The following PARD3B variants were observed in gnomAD, a reference collection of about 807,000 sequenced individuals.
The protein encoded by PARD3B is par-3 family cell polarity regulator beta.
Under a neutral mutation model 130.2 loss-of-function variants are expected in PARD3B, and 103 were observed. That is an observed-to-expected ratio of 0.79 (90% CI 0.67 to 0.93). The LOEUF (loss-of-function observed/expected upper bound fraction) is 0.93, where lower values mean the gene tolerates loss of function less well. PARD3B is among the 40% of genes least tolerant of loss of function. PARD3B has a pLI of 0.00. For synonymous variants in PARD3B, 583 were observed against 553.2 expected (o/e 1.05, Z -0.76); for missense variants, 1,609 against 1,499.2 (o/e 1.07, Z -1.21).
At chr2:205,086,496 T>G (rs1181757713) in intron 4 of PARD3B, among the ~76,000 whole-genome samples, 1 of 152,228 alleles carries the variant, frequency 6.6e-6, no homozygotes, top group Non-Finnish European at 1.5e-5. Context: ...CTGCATGGTT[T>G]CAGTTGCTTC....
intron 19 of PARD3B, among the ~76,000 whole-genome samples, chr2:205,439,957 C>A (rs566608394): frequency 2.6e-5 from 4 of 152,216 alleles, no homozygotes; most frequent in Admixed American, 2.6e-4. Flanking sequence ...TTACTGAAGT[C>A]GTAGAAAAAC....
chr2:205,507,463 C>G (rs1159623732), intron 21 of PARD3B, among the ~76,000 whole-genome samples: 1 of 151,836 alleles, frequency 6.6e-6, no homozygotes, highest in Non-Finnish European at 1.5e-5. Flanking sequence ...ATCTGCCTGC[C>G]TCGGCCTCCC....
At chr2:204,748,348 C>A (rs1048175205) in intron 2 of PARD3B, among the ~76,000 whole-genome samples, 19 of 152,078 alleles carry the variant, frequency 1.2e-4, no homozygotes, top group Non-Finnish European at 2.8e-4. Context: ...AGTTCAACTC[C>A]TTCCTGAGCC....
At chr2:204,829,091 C>T (rs2043704434) in intron 2 of PARD3B, among the ~76,000 whole-genome samples, 1 of 152,160 alleles carries the variant, frequency 6.6e-6, no homozygotes, top group South Asian at 2.1e-4. Flanking sequence ...ACCTGTAAGA[C>T]AAAATCCTGA....
At chr2:205,286,610 GAA>G (rs1239827345) in intron 16 of PARD3B, among the ~76,000 whole-genome samples, 1 of 152,122 alleles carries the variant, frequency 6.6e-6, no homozygotes, top group African/African-American at 2.4e-5. Flanking sequence ...CTGTGAAAGG[GAA>G]ACTTAAAACA....
chr2:205,338,006 T>A (rs2043375919), intron 18 of PARD3B, among the ~76,000 whole-genome samples: 1 of 151,920 alleles, frequency 6.6e-6, no homozygotes, highest in East Asian at 1.9e-4. Context: ...ATACAAAAAT[T>A]AGCCGGGCAT....
chr2:204,602,337 G>A (rs993911251), intron 1 of PARD3B, among the ~76,000 whole-genome samples: 2 of 151,686 alleles, frequency 1.3e-5, no homozygotes, highest in African/African-American at 4.8e-5. Flanking sequence ...TTATTTGACC[G>A]TCTTTTAATT....
At chr2:204,592,906 C>T (rs2033135668) in intron 1 of PARD3B, among the ~76,000 whole-genome samples, 1 of 152,160 alleles carries the variant, frequency 6.6e-6, no homozygotes, top group Non-Finnish European at 1.5e-5. Context: ...TGATTAGCTT[C>T]TTTCAGTTGA....
Position 205,555,054 on chromosome 2 carries a change from G to A in PARD3B, c.3260+1651G>A, listed in dbSNP as rs570895572. ...TTCCAAAAATTTGTTTTACATATAA[G>A]ATTTCCGGCTTTCACTGTTGAAGTA... On this transcript the variant is annotated intron_variant, in intron 22 of 22. Coordinates refer to ENST00000406610, the MANE Select transcript of PARD3B (RefSeq NM_001302769.2). Among the ~76,000 whole-genome samples the A allele has an allele frequency of 3.4e-4, 52 of 152,276 alleles. No homozygotes were observed. In the Middle Eastern group the frequency reaches 0.017, roughly 50 times the overall value.
At chr2:205,485,036 G>T (rs2049385393) in intron 20 of PARD3B, among the ~76,000 whole-genome samples, 1 of 152,212 alleles carries the variant, frequency 6.6e-6, no homozygotes, top group Middle Eastern at 3.4e-3. Flanking sequence ...TTGCTCCATG[G>T]CAGATACTCA....
At chr2:204,572,687 A>G (rs1393838641) in intron 1 of PARD3B, among the ~76,000 whole-genome samples, 6 of 152,194 alleles carry the variant, frequency 3.9e-5, no homozygotes, top group Non-Finnish European at 7.3e-5. Flanking sequence ...AACTGAGCTT[A>G]GTAGGTAAAT....
rs952889583 is a variant in PARD3B at position 204,623,739 on chromosome 2, C to T, written c.121-62442C>T. Among the ~76,000 whole-genome samples the T allele has an allele frequency of 2.0e-5, 3 of 152,072 alleles. No individual in the cohort carries two copies. Among genetic ancestry groups the T allele is most frequent in the African/African-American group, 7.2e-5 (3 of 41,428 alleles). On this transcript the variant is annotated intron_variant, in intron 1 of 22. Coordinates refer to ENST00000406610, the MANE Select transcript of PARD3B (RefSeq NM_001302769.2). The surrounding 1 kb of genome is among the most constrained non-coding windows in gnomAD (Gnocchi z 4.5). ...AGTATTAACTATTGGCATAATGCTC[C>T]ACAGCAGGTCTCTAGAACTGAATTA...
intron 3 of PARD3B, among the ~76,000 whole-genome samples, chr2:204,996,429 T>C (rs1248183739): frequency 6.6e-6 from 1 of 152,210 alleles, no homozygotes; most frequent in Non-Finnish European, 1.5e-5. Flanking sequence ...GAGGAGGCAG[T>C]GTGCCGGTTC....
chr2:205,190,072 A>T (rs1214449457), intron 14 of PARD3B, among the ~76,000 whole-genome samples: 1 of 152,208 alleles, frequency 6.6e-6, no homozygotes, highest in Non-Finnish European at 1.5e-5. Flanking sequence ...CTTCTTGATT[A>T]TATGCCAACA....
rs1553528189 is a variant in PARD3B at position 204,803,163 on chromosome 2, A to AATAT, written c.222+116897_222+116900dup. On this transcript the variant is annotated intron_variant, in intron 2 of 22. Transcript: ENST00000406610. ...CTGAAGGAAAAAAAAAAAAAAAAAA[A>AATAT]ATATATATATATATATATAATCCTA... is the stretch of plus-strand genomic sequence containing the variant. Among the ~76,000 whole-genome samples, 208 of 90,498 alleles carry AATAT rather than the reference A, an allele frequency of 2.3e-3. 3 individuals are homozygous for AATAT. The highest frequency in any genetic ancestry group is 7.1e-3 in the Middle Eastern group (1 of 140). The allele number at this position is 90,498 out of a possible 152,430, so 59.4% of individuals were successfully genotyped here.
At chr2:204,891,895 G>A (rs1179203405) in intron 2 of PARD3B, among the ~76,000 whole-genome samples, 1 of 152,120 alleles carries the variant, frequency 6.6e-6, no homozygotes, top group Non-Finnish European at 1.5e-5. Flanking sequence ...TCTTTACTTT[G>A]TAATTAGGAT....
intron 3 of PARD3B, among the ~76,000 whole-genome samples, chr2:205,014,920 C>A (rs1696010526): frequency 6.6e-6 from 1 of 152,184 alleles, no homozygotes; most frequent in Non-Finnish European, 1.5e-5. Context: ...CAAAGATCAA[C>A]TTCTCCATGT....
chr2:204,601,763 A>G (rs986913911), intron 1 of PARD3B, among the ~76,000 whole-genome samples: 7 of 152,014 alleles, frequency 4.6e-5, no homozygotes, highest in Non-Finnish European at 8.8e-5. Context: ...TCACTGTAAG[A>G]CTAAAAGGCA....
rs544211087 is a variant in PARD3B, at chr2:205,289,130, C to T, written c.2186-11400C>T. Among the ~76,000 whole-genome samples, 20 of 152,126 alleles carry T rather than the reference C, an allele frequency of 1.3e-4. No homozygotes were observed. In the South Asian group the frequency reaches 2.7e-3, roughly 21 times the overall value. ...TACTTCTTCATGAAAAATATCTTTG[C>T]AAGAAATAAACAAGTTTATTTGGGC... On this transcript the variant is annotated intron_variant, in intron 16 of 22. Transcript: ENST00000406610.
Sources: allele counts gnomAD v4.1 joint callset (sites outside exome capture counted in the v4.1 genomes callset), GRCh38; gene constraint gnomAD v4.1.1; non-coding constraint Gnocchi (gnomAD v3.1); transcripts MANE v1.5; gene names NCBI Gene and HGNC (gene_info 2026-07-23, HGNC 2026-07-21).